OXR1: variants seen among roughly 807,000 people sequenced by gnomAD.
OXR1 encodes oxidation resistance protein 1.
Under a neutral mutation model 104.6 loss-of-function variants are expected in OXR1, and 41 were observed. That is an observed-to-expected ratio of 0.39 (90% CI 0.31 to 0.51). The LOEUF (loss-of-function observed/expected upper bound fraction) is 0.51, where lower values mean the gene tolerates loss of function less well. OXR1 is among the 20% of genes least tolerant of loss of function. The pLI is 0.77. For missense variants in OXR1, 955 were observed against 1,031.9 expected, an observed-to-expected ratio of 0.93 and a Z score of 1.02; for synonymous variants, 348 against 348.4, an observed-to-expected ratio of 1.00 and a Z score of 0.01.
At chr8:106,353,134 G>T (rs115122200) in intron 1 of OXR1, among the ~76,000 whole-genome samples, 1,645 of 152,204 alleles carry the variant, frequency 0.011, 28 homozygotes, top group African/African-American at 0.037. Flanking sequence ...ATCATCTGAC[G>T]TCAGAAATTC....
At chr8:106,541,981 G>A (rs188833012) in intron 3 of OXR1, among the ~76,000 whole-genome samples, 3 of 152,246 alleles carry the variant, frequency 2.0e-5, no homozygotes, top group African/African-American at 7.2e-5. Flanking sequence ...TTAGCAAATG[G>A]ACAAAATTAA....
At chr8:106,674,078 A>G (rs999990549) in intron 3 of OXR1, among the ~76,000 whole-genome samples, 3 of 152,132 alleles carry the variant, frequency 2.0e-5, no homozygotes, top group South Asian at 2.1e-4. Flanking sequence ...GAAGAGGCCT[A>G]CCTTCCTCCA....
intron 3 of OXR1, among the ~76,000 whole-genome samples, chr8:106,629,073 C>T (rs558726843): frequency 6.6e-6 from 1 of 152,258 alleles, no homozygotes; most frequent in African/African-American, 2.4e-5. Flanking sequence ...AAATCACCCT[C>T]TTTTACTTCA....
chr8:106,359,080 TTTC>T (rs1411626080), intron 1 of OXR1, among the ~76,000 whole-genome samples: 2 of 113,682 alleles, frequency 1.8e-5, no homozygotes, highest in Admixed American at 1.9e-4. Flanking sequence ...TCTTTCTTTC[TTTC>T]TTTCTTTCTT....
intron 15 of OXR1, among the ~76,000 whole-genome samples, chr8:106,743,573 G>A (rs542419021): frequency 3.3e-5 from 5 of 152,232 alleles, no homozygotes; most frequent in East Asian, 3.9e-4. Flanking sequence ...CACCCTCCTC[G>A]GCCTCCCAGA....
chr8:106,368,016 A>T (rs954194278), intron 2 of OXR1, among the ~76,000 whole-genome samples: 1 of 152,134 alleles, frequency 6.6e-6, no homozygotes, highest in Non-Finnish European at 1.5e-5. Flanking sequence ...CAAGAGAAAG[A>T]CTGGAGTGTG....
At chr8:106,367,027 A>T (rs1422979337) in intron 2 of OXR1, among the ~76,000 whole-genome samples, 4 of 151,714 alleles carry the variant, frequency 2.6e-5, no homozygotes, top group African/African-American at 9.7e-5. Flanking sequence ...CAATAAAAGA[A>T]TTCAATGCAT....
At chr8:106,621,570 T>TAGTACTGTTGAAGTACTATTTCAAGACA (rs1821707595) in intron 3 of OXR1, among the ~76,000 whole-genome samples, 2 of 151,858 alleles carry the variant, frequency 1.3e-5, no homozygotes, top group South Asian at 2.1e-4. Context: ...GATACTTCAA[T>TAGTACTGTTGAAGTACTATTTCAAGACA]GGCACTTGAA....
chr8:106,552,975 C>A (rs1275089099), intron 3 of OXR1, among the ~76,000 whole-genome samples: 1 of 152,160 alleles, frequency 6.6e-6, no homozygotes, highest in African/African-American at 2.4e-5. Context: ...TATTCTCCTT[C>A]TCTTTTATTC....
intron 1 of OXR1, among the ~76,000 whole-genome samples, chr8:106,315,905 C>T (rs1472698): frequency 0.62 from 94,899 of 151,964 alleles, 30,059 homozygotes; most frequent in African/African-American, 0.73. Flanking sequence ...ACTTTTTTCA[C>T]GTGTGTGTAT....
intron 2 of OXR1, among the ~76,000 whole-genome samples, chr8:106,392,623 T>C (rs569099294): frequency 1.3e-5 from 2 of 152,282 alleles, no homozygotes; most frequent in African/African-American, 4.8e-5. Context: ...TATTGCTTTA[T>C]CAGCATAAAA....
At chr8:106,398,419 C>T (rs1352846563) in intron 2 of OXR1, among the ~76,000 whole-genome samples, 3 of 152,204 alleles carry the variant, frequency 2.0e-5, no homozygotes, top group East Asian at 1.9e-4. Context: ...GGATTGAGAG[C>T]TGCTGCTGCA....
At chr8:106,570,549 G>A (rs1817399532) in intron 3 of OXR1, among the ~76,000 whole-genome samples, 1 of 152,146 alleles carries the variant, frequency 6.6e-6, no homozygotes, top group Non-Finnish European at 1.5e-5. Flanking sequence ...ACAGGCACAT[G>A]TGCCTGAAGT....
intron 3 of OXR1, among the ~76,000 whole-genome samples, chr8:106,650,532 T>C (rs1157414392): frequency 6.6e-6 from 1 of 152,220 alleles, no homozygotes; most frequent in Admixed American, 6.5e-5. Context: ...AGATTGGCAG[T>C]GGACAGTCTA....
At chr8:106,551,858 A>ATGTGTGTG (rs1428718280) in intron 3 of OXR1, among the ~76,000 whole-genome samples, 40 of 94,244 alleles carry the variant, frequency 4.2e-4, no homozygotes, top group Admixed American at 5.8e-4. Context: ...ATGTGTATAT[A>ATGTGTGTG]TATGTGTGTG....
At chr8:106,375,203 T>C (rs1222666893) in intron 2 of OXR1, among the ~76,000 whole-genome samples, 1 of 152,234 alleles carries the variant, frequency 6.6e-6, no homozygotes, top group Admixed American at 6.5e-5. Flanking sequence ...ATATTGCTAG[T>C]AGTGTTTTTA....
chr8:106,684,576 C>T (rs999324479), intron 6 of OXR1, among the ~76,000 whole-genome samples: 1 of 152,002 alleles, frequency 6.6e-6, no homozygotes, highest in African/African-American at 2.4e-5. Context: ...TGGTTGTGGG[C>T]CAAAAATATT....
At chr8:106,650,981 A>G (rs3132804) in intron 3 of OXR1, among the ~76,000 whole-genome samples, 54,498 of 152,066 alleles carry the variant, frequency 0.36, 10,358 homozygotes, top group African/African-American at 0.48. Flanking sequence ...GTTATTTTCA[A>G]CATTTTGCTA....
intron 3 of OXR1, among the ~76,000 whole-genome samples, chr8:106,643,167 G>A (rs571017053): frequency 3.3e-5 from 5 of 152,136 alleles, no homozygotes; most frequent in Middle Eastern, 3.2e-3. Context: ...CAACAGTTTA[G>A]AATACAGTCC....
Sources: allele counts gnomAD v4.1 joint callset (sites outside exome capture counted in the v4.1 genomes callset), GRCh38; gene constraint gnomAD v4.1.1; transcripts MANE v1.5; gene names NCBI Gene and HGNC (gene_info 2026-07-23, HGNC 2026-07-21).